The following REELD1 variants were observed in gnomAD, a reference collection of about 807,000 sequenced individuals.
REELD1 encodes reelin domain-containing protein 1.
Under a neutral mutation model 6.3 loss-of-function variants are expected in REELD1, and 12 were observed. That is an observed-to-expected ratio of 1.89 (90% CI 1.21 to 3.07). The LOEUF (loss-of-function observed/expected upper bound fraction) is 3.07, where lower values mean the gene tolerates loss of function less well. Ranked by LOEUF, REELD1 falls within the 30% of genes most tolerant of loss-of-function variation. REELD1 has a pLI of 0.00. For missense variants in REELD1, 163 were observed against 86.8 expected (o/e 1.88, Z -3.49); for synonymous variants, 57 against 33.6 (o/e 1.70, Z -2.42).
intron 2 of REELD1, among the ~76,000 whole-genome samples, chr4:146,216,561 A>T (rs764341730): frequency 6.6e-6 from 1 of 152,202 alleles, no homozygotes; most frequent in Non-Finnish European, 1.5e-5. Context: ...ACTTCAGATA[A>T]TGTATCAGAG....
chr4:146,231,361 C>T lies in REELD1; in HGVS notation c.*848C>T, dbSNP rs1037999050. On this transcript the variant is annotated 3_prime_UTR_variant, in exon 8 of 8. Transcript: ENST00000623665. ...TATTATACCAGCATAGTTTGAAGAACAGTCTTTACTTGTCTTTTCAGGGAA... is the reference window on the plus strand; with the variant it reads ...TATTATACCAGCATAGTTTGAAGAATAGTCTTTACTTGTCTTTTCAGGGAA... Among the ~76,000 whole-genome samples, 2 of 152,204 alleles carry T rather than the reference C, an allele frequency of 1.3e-5. No homozygotes were observed. Among genetic ancestry groups the T allele is most frequent in the Non-Finnish European group, 2.9e-5 (2 of 68,032 alleles).
Position 146,231,478 on chromosome 4 carries a change from C to T in REELD1, c.*965C>T, listed in dbSNP as rs1046513023. Among the ~76,000 whole-genome samples the T allele has an allele frequency of 2.0e-5, 3 of 152,230 alleles. No homozygotes were observed. The highest frequency in any genetic ancestry group is 6.5e-5 in the Admixed American group (1 of 15,288). On this transcript the variant is annotated 3_prime_UTR_variant, in exon 8 of 8. Transcript: ENST00000623665. ...TGATTTAACAGTGGCTCCACAGATA[C>T]TATCTGAGGTCAAAACAACAGATCT...
At chr4:146,218,459 C>T (rs1399194877) in intron 3 of REELD1, among the ~76,000 whole-genome samples, 4 of 152,156 alleles carry the variant, frequency 2.6e-5, no homozygotes, top group Non-Finnish European at 1.5e-5. Context: ...GCCCTAAACC[C>T]CTCTTGATTT....
rs1731114476 is a variant in REELD1 at position 146,230,667 on chromosome 4, T to C, written c.*154T>C. On this transcript the variant is annotated 3_prime_UTR_variant, in exon 8 of 8. Coordinates refer to ENST00000623665, the MANE Select transcript of REELD1 (RefSeq NM_001354631.1). ...TGGAGGAACCCGGGAGAGGACACTT[T>C]CATCAACAGAGGGAGTTATTCCTGA... 1 of 395,768 alleles carries C rather than the reference T, an allele frequency of 2.5e-6. No individual in the cohort carries two copies. Among genetic ancestry groups the C allele is most frequent in the Non-Finnish European group, 4.4e-6 (1 of 224,790 alleles). The allele number at this position is 395,768 out of a possible 1,614,324, so 24.5% of individuals were successfully genotyped here. A position where few individuals can be genotyped will look rare whatever the true frequency, so the allele number is the denominator to read the frequency against.
At chr4:146,224,674 C>T in intron 5 of REELD1, 66 bp downstream of exon 5, 1 of 678,950 alleles carries the variant, frequency 1.5e-6, no homozygotes, top group Non-Finnish European at 2.7e-6. Flanking sequence ...TCTATTTTCA[C>T]TTAAAAGTTA....
intron 3 of REELD1, among the ~76,000 whole-genome samples, chr4:146,217,716 C>T (rs750293634): frequency 9.2e-5 from 14 of 152,058 alleles, no homozygotes; most frequent in African/African-American, 2.9e-4. Flanking sequence ...TATCTTATTA[C>T]GGACACAAAT....
At chr4:146,222,271 GC>G (rs1730937619) in intron 3 of REELD1, 85 bp from the exon 4 acceptor site, 1 of 397,808 alleles carries the variant, frequency 2.5e-6, no homozygotes, top group Non-Finnish European at 4.4e-6. Context: ...CTGATCTTAA[GC>G]TTTTAGTTTT....
chr4:146,231,584 C>T lies in REELD1; in HGVS notation c.*1071C>T, dbSNP rs1731131726. Among the ~76,000 whole-genome samples, 1 of 152,114 alleles carries T rather than the reference C, an allele frequency of 6.6e-6. No homozygotes were observed. The highest frequency in any genetic ancestry group is 1.5e-5 in the Non-Finnish European group (1 of 68,036). On this transcript the variant is annotated 3_prime_UTR_variant, in exon 8 of 8. Coordinates refer to ENST00000623665, the MANE Select transcript of REELD1 (RefSeq NM_001354631.1). The stretch of plus-strand genomic sequence containing the variant: ...TTCAGAGTGAAACCTATTATAGAGT[C>T]ATCATTTTAATGCAGAAACAAAAAT...
chr4:146,220,141 G>T (rs538749596), intron 3 of REELD1, among the ~76,000 whole-genome samples: 4 of 152,064 alleles, frequency 2.6e-5, no homozygotes, highest in Non-Finnish European at 4.4e-5. Flanking sequence ...GTACAGATGG[G>T]GTTTCACTGT....
rs1730944722 is a variant in REELD1 at position 146,222,653 on chromosome 4, G to C, written c.431+74G>C. 7.5e-6 allele frequency: 3 copies of C among 397,930 alleles called. No homozygotes were observed. In the South Asian group the frequency reaches 4.1e-4, roughly 55 times the overall value. The allele number at this position is 397,930 out of a possible 1,614,324, so 24.6% of individuals were successfully genotyped here. A position where few individuals can be genotyped will look rare whatever the true frequency, so the allele number is the denominator to read the frequency against. On this transcript the variant is annotated intron_variant, in intron 4 of 7. Transcript: ENST00000623665. ...AGAGAGGGGAGCTTCTCTTTGCCCT[G>C]ACTTCATATTCCCTTTCCCCCTCCT...
intron 5 of REELD1, among the ~76,000 whole-genome samples, chr4:146,225,505 G>T (rs1038093312): frequency 6.6e-6 from 1 of 152,006 alleles, no homozygotes; most frequent in East Asian, 1.9e-4. Context: ...CTCTGCCTTT[G>T]CCCCACAACC....
intron 3 of REELD1, among the ~76,000 whole-genome samples, chr4:146,219,314 A>G (rs901826723): frequency 6.6e-6 from 1 of 152,216 alleles, no homozygotes; most frequent in African/African-American, 2.4e-5. Context: ...GTAATAAATG[A>G]CTTGACAGAG....
chr4:146,228,806 T>C (rs72948620), intron 6 of REELD1, among the ~76,000 whole-genome samples: 19,489 of 152,100 alleles, frequency 0.13, 1,780 homozygotes, highest in African/African-American at 0.25. Context: ...CATAGAAATG[T>C]ATATTTTATA....
intron 1 of REELD1, 29 bp from the exon 2 acceptor site, chr4:146,215,047 T>G (rs1730799805): frequency 6.6e-6 from 1 of 152,304 alleles, no homozygotes. Flanking sequence ...GAGGAGCATT[T>G]TCATTTCATT....
chr4:146,216,729 G>A (rs1436018706), intron 2 of REELD1, among the ~76,000 whole-genome samples: 1 of 152,200 alleles, frequency 6.6e-6, no homozygotes, highest in Non-Finnish European at 1.5e-5. Context: ...AAGAACAGAA[G>A]TTTTTAAAAA....
intron 2 of REELD1, among the ~76,000 whole-genome samples, chr4:146,215,505 T>G (rs1185218135): frequency 6.6e-6 from 1 of 152,196 alleles, no homozygotes; most frequent in Non-Finnish European, 1.5e-5. Context: ...AAAGGTGGTG[T>G]TGTGTGAAGA....
chr4:146,230,514 G>A lies in REELD1; in HGVS notation c.*1G>A, dbSNP rs780559958. ...GGGTAGCAAGAAAACAGTCCTCTGA[G>A]AAGACTGTCACCCCAGACCTCTCAG... On this transcript the variant is annotated 3_prime_UTR_variant, in exon 8 of 8. Transcript: ENST00000623665. 7.0e-5 allele frequency: 28 copies of A among 398,586 alleles called. No homozygotes were observed. Among genetic ancestry groups the A allele is most frequent in the Non-Finnish European group, 1.2e-4 (28 of 226,140 alleles). The allele number at this position is 398,586 out of a possible 1,614,324, so 24.7% of individuals were successfully genotyped here. A position where few individuals can be genotyped will look rare whatever the true frequency, so the allele number is the denominator to read the frequency against.
Position 146,232,149 on chromosome 4 carries a change from T to C in REELD1, c.*1636T>C, listed in dbSNP as rs1731142412. 6.6e-6 allele frequency: 1 copy of C among 152,258 alleles called. No individual in the cohort carries two copies. The highest frequency in any genetic ancestry group is 1.5e-5 in the Non-Finnish European group (1 of 68,056). 9.4% of individuals were successfully genotyped at this position (152,258 alleles called of 1,614,324 possible). A position where few individuals can be genotyped will look rare whatever the true frequency, so the allele number is the denominator to read the frequency against. On this transcript the variant is annotated 3_prime_UTR_variant, in exon 8 of 8. Coordinates refer to ENST00000623665, the MANE Select transcript of REELD1 (RefSeq NM_001354631.1). ...GATGCACCATGTATGCAAACTTTTT[T>C]AGATCTTTTCTGTCTAAGAGAGAAT...
chr4:146,223,413 C>T (rs994241286), intron 4 of REELD1, among the ~76,000 whole-genome samples: 4 of 152,186 alleles, frequency 2.6e-5, no homozygotes, highest in Non-Finnish European at 4.4e-5. Flanking sequence ...AAGGGAAACA[C>T]GTGCCTTAGG....
Sources: allele counts gnomAD v4.1 joint callset (sites outside exome capture counted in the v4.1 genomes callset), GRCh38; gene constraint gnomAD v4.1.1; transcripts MANE v1.5; gene names NCBI Gene and HGNC (gene_info 2026-07-23, HGNC 2026-07-21).